The following MAF variants were observed in gnomAD, a reference collection of about 807,000 sequenced individuals.
The protein encoded by MAF is transcription factor Maf.
A neutral mutation model predicts 22.0 loss-of-function variants in MAF; 10 were observed. The observed-to-expected ratio is 0.45, with a 90% CI of 0.28 to 0.77. MAF has a LOEUF of 0.77. MAF is among the 30% of genes least tolerant of loss of function. MAF has a pLI of 0.12. For synonymous variants in MAF, 337 were observed against 255.8 expected, an observed-to-expected ratio of 1.32 and a Z score of -3.03; for missense variants, 544 against 548.4, an observed-to-expected ratio of 0.99 and a Z score of 0.08.
At chr16:79,545,340 G>T in the MAF span, among the ~76,000 whole-genome samples, 1 of 152,144 alleles carries the variant, frequency 6.6e-6, no homozygotes, top group African/African-American at 2.4e-5. Flanking sequence ...ACATGCTGCA[G>T]AACTGAGGGG....
the MAF span, among the ~76,000 whole-genome samples, chr16:79,290,956 G>A: frequency 1.3e-5 from 2 of 152,016 alleles, no homozygotes; most frequent in Admixed American, 6.6e-5. Context: ...TGCTTCCTCC[G>A]AGATGTGATG....
chr16:79,212,213 A>AAGCAAGTGTT, the MAF span: 1 of 1,438,074 alleles, frequency 7.0e-7, no homozygotes, highest in Non-Finnish European at 9.1e-7. Context: ...AGGGAAGAAA[A>AAGCAAGTGTT]AGCAAGTGTT....
the MAF span, among the ~76,000 whole-genome samples, chr16:79,441,690 A>G: frequency 6.6e-6 from 1 of 152,238 alleles, no homozygotes; most frequent in Admixed American, 6.5e-5. Flanking sequence ...CAGTTTGCTG[A>G]TAGAAGAGGA....
chr16:79,425,237 A>T, the MAF span, among the ~76,000 whole-genome samples: 1 of 152,302 alleles, frequency 6.6e-6, no homozygotes, highest in South Asian at 2.1e-4. Context: ...TTAATTTATC[A>T]TGATAGTATT....
chr16:79,212,461 A>AAATC, the MAF span: 13 of 246,304 alleles, frequency 5.3e-5, no homozygotes, highest in African/African-American at 1.3e-4. Context: ...CAAATTTTTC[A>AAATC]AATCATTCCT....
chr16:79,221,715 A>ATG, the MAF span, among the ~76,000 whole-genome samples: 555 of 151,732 alleles, frequency 3.7e-3, 2 homozygotes, highest in African/African-American at 0.013. Context: ...GTGATTGTGT[A>ATG]TGTGTGTGTG....
At chr16:79,331,813 T>G in the MAF span, among the ~76,000 whole-genome samples, 1 of 152,142 alleles carries the variant, frequency 6.6e-6, no homozygotes, top group African/African-American at 2.4e-5. Context: ...CTCCTATCCC[T>G]TTTGCCTAGA....
chr16:79,234,493 A>T, the MAF span, among the ~76,000 whole-genome samples: 1 of 152,136 alleles, frequency 6.6e-6, no homozygotes, highest in African/African-American at 2.4e-5. Context: ...TTCATGAACC[A>T]ACATGCTTTA....
chr16:79,382,474 A>C, the MAF span, among the ~76,000 whole-genome samples: 6,615 of 152,286 alleles, frequency 0.043, 288 homozygotes, highest in East Asian at 0.2. Context: ...TGGCAACTGC[A>C]ACTGAGGAAC....
At chr16:79,212,220 T>G in the MAF span, 1 of 1,403,122 alleles carries the variant, frequency 7.1e-7, no homozygotes, top group Non-Finnish European at 9.4e-7. Context: ...AAAAAGCAAG[T>G]GTTCACTGCT....
chr16:79,512,664 G>A, the MAF span, among the ~76,000 whole-genome samples: 1 of 152,148 alleles, frequency 6.6e-6, no homozygotes, highest in African/African-American at 2.4e-5. Flanking sequence ...CTGTTTAATA[G>A]CTCCCAGATC....
the MAF span, among the ~76,000 whole-genome samples, chr16:79,435,758 G>T: frequency 6.6e-6 from 1 of 152,178 alleles, no homozygotes; most frequent in Non-Finnish European, 1.5e-5. Flanking sequence ...ATGTGCATTT[G>T]TCTTGACCAT....
At chr16:79,348,923 GC>G in the MAF span, among the ~76,000 whole-genome samples, 2 of 152,092 alleles carry the variant, frequency 1.3e-5, no homozygotes, top group African/African-American at 4.8e-5. Flanking sequence ...TGACCTCAAG[GC>G]CCTAGATCTG....
chr16:79,350,784 C>G, the MAF span, among the ~76,000 whole-genome samples: 2 of 151,814 alleles, frequency 1.3e-5, no homozygotes, highest in South Asian at 2.1e-4. Flanking sequence ...CTTCAGTGAG[C>G]AAGAAATACA....
chr16:79,560,925 G>C, the MAF span, among the ~76,000 whole-genome samples: 1 of 152,186 alleles, frequency 6.6e-6, no homozygotes, highest in African/African-American at 2.4e-5. Flanking sequence ...CAGCCATGTA[G>C]GTCTTTTTGG....
the MAF span, among the ~76,000 whole-genome samples, chr16:79,244,202 G>C: frequency 6.6e-6 from 1 of 151,998 alleles, no homozygotes; most frequent in Non-Finnish European, 1.5e-5. Context: ...CACAGTATCG[G>C]AAGTTCTGGC....
chr16:79,211,172 A>G, the MAF span, among the ~76,000 whole-genome samples: 3 of 152,110 alleles, frequency 2.0e-5, no homozygotes, highest in East Asian at 1.9e-4. Context: ...ATGGACCACA[A>G]TTAAGAGTGG....
chr16:79,561,062 T>G, the MAF span, among the ~76,000 whole-genome samples: 3 of 152,216 alleles, frequency 2.0e-5, no homozygotes, highest in Admixed American at 2.0e-4. Flanking sequence ...GTCTTTGCTT[T>G]CATCCCAAGA....
chr16:79,406,062 C>T, the MAF span, among the ~76,000 whole-genome samples: 9 of 152,288 alleles, frequency 5.9e-5, no homozygotes, highest in Admixed American at 1.3e-4. Flanking sequence ...TACCCCAACT[C>T]CCTCACCTCT....
Sources: allele counts gnomAD v4.1 joint callset (sites outside exome capture counted in the v4.1 genomes callset), GRCh38; gene constraint gnomAD v4.1.1; transcripts MANE v1.5; gene names NCBI Gene and HGNC (gene_info 2026-07-23, HGNC 2026-07-21).